SSR2: variants seen among roughly 807,000 people sequenced by gnomAD.
SSR2 encodes translocon-associated protein subunit beta.
In SSR2, 16 loss-of-function variants were observed where a neutral mutation model predicts 22.6. The ratio of observed to expected loss-of-function variants is 0.71; its 90% CI spans 0.48 to 1.08. The LOEUF (loss-of-function observed/expected upper bound fraction) is 1.08. Among genes scored for constraint, SSR2 ranks in the 50% least tolerant of loss-of-function variants. The pLI is 0.00. For missense variants in SSR2, 171 were observed against 221.6 expected (o/e 0.77, Z 1.45); for synonymous variants, 83 against 91.2 (o/e 0.91, Z 0.51).
intron 4 of SSR2, 127 bp downstream of exon 4, chr1:156,014,834 C>A: frequency 1.3e-6 from 1 of 774,258 alleles, no homozygotes; most frequent in Non-Finnish European, 2.2e-6. Flanking sequence ...AGCCACTGCG[C>A]CCAGTCCTAA....
chr1:156,014,748 G>A, intron 4 of SSR2: 1 of 405,830 alleles, frequency 2.5e-6, no homozygotes, highest in Non-Finnish European at 4.6e-6. Flanking sequence ...CTGCATGTTG[G>A]CCAGGCTGGT....
chr1:156,009,847 C>T (rs1682955307), intron 5 of SSR2, among the ~76,000 whole-genome samples, 197 bp from the exon 6 acceptor site: 1 of 152,128 alleles, frequency 6.6e-6, no homozygotes, highest in Non-Finnish European at 1.5e-5. Flanking sequence ...ATTCTCAGCT[C>T]ACTGCAACCT....
Position 156,009,659 on chromosome 1 carries a change from G to A in SSR2, c.442-9C>T. 1 of 1,588,198 alleles carries A rather than the reference G, an allele frequency of 6.3e-7. No homozygotes were observed. The highest frequency in any genetic ancestry group is 1.2e-5 in the South Asian group (1 of 86,202). ...AAGGCTGCCCAGTCCAGCTGTAAAGGAAAACAAAGACCTTGCTTAGAAGTC... is the reference window on the plus strand; with the variant it reads ...AAGGCTGCCCAGTCCAGCTGTAAAGAAAAACAAAGACCTTGCTTAGAAGTC... On this transcript the variant is annotated splice_polypyrimidine_tract_variant and intron_variant, in intron 5 of 5. Coordinates refer to ENST00000295702, the MANE Select transcript of SSR2 (RefSeq NM_003145.4).
intron 3 of SSR2, among the ~76,000 whole-genome samples, chr1:156,016,420 G>C (rs1683058480): frequency 6.6e-6 from 1 of 151,620 alleles, no homozygotes; most frequent in South Asian, 2.1e-4. Context: ...ATTTTTAGTA[G>C]AGACAGGGTT....
chr1:156,014,386 C>T (rs889618900), intron 4 of SSR2: 3 of 152,274 alleles, frequency 2.0e-5, no homozygotes, highest in African/African-American at 7.2e-5. Flanking sequence ...ACTGGGATTA[C>T]AGGCGTGAGC....
intron 2 of SSR2, among the ~76,000 whole-genome samples, chr1:156,019,451 T>C (rs1239587983): frequency 6.6e-6 from 1 of 152,038 alleles, no homozygotes; most frequent in Non-Finnish European, 1.5e-5. Context: ...TGGCGCAATC[T>C]CCGGCTCACT....
intron 1 of SSR2, chr1:156,020,573 T>G (rs1683134547): frequency 3.3e-6 from 1 of 304,844 alleles, no homozygotes; most frequent in Non-Finnish European, 6.5e-6. Flanking sequence ...CCCTCCTCCT[T>G]GGCCACAGCT....
chr1:156,015,139 A>G, intron 3 of SSR2, 70 bp from the exon 4 acceptor site: 2 of 1,144,450 alleles, frequency 1.7e-6, no homozygotes, highest in Non-Finnish European at 2.6e-6. Context: ...CTGTGGACTA[A>G]ATGCACCACT....
rs1356551752 is a variant in SSR2 at position 156,020,886 on chromosome 1, AC to A, written c.-1+1del. Reference sequence around the variant, plus strand: ...TCGGACGCCCTAAGCCTCCGGACTTACCGTTGGCATCCCAAACGCCTTTCCG... The same window carrying A: ...TCGGACGCCCTAAGCCTCCGGACTTACGTTGGCATCCCAAACGCCTTTCCG... On this transcript the variant is annotated splice_donor_variant, in intron 1 of 5. Transcript: ENST00000295702. LOFTEE classifies it low-confidence loss of function (5UTR_SPLICE). 3.2e-5 allele frequency: 15 copies of A among 471,148 alleles called. No homozygotes were observed. The East Asian group carries it at 9.7e-4, about 30-fold the overall frequency. The allele number at this position is 471,148 out of a possible 1,614,324, so 29.2% of individuals were successfully genotyped here. A position where few individuals can be genotyped will look rare whatever the true frequency, so the allele number is the denominator to read the frequency against.
intron 3 of SSR2, among the ~76,000 whole-genome samples, chr1:156,015,703 C>T (rs1683045567): frequency 6.7e-6 from 1 of 148,182 alleles, no homozygotes; most frequent in South Asian, 2.2e-4. Context: ...CCTGGGATTA[C>T]AGGCATGAGC....
rs574215881 is a variant in SSR2, at chr1:156,009,405, G to A, written c.*135C>T. 1 of 721,690 alleles carries A rather than the reference G, an allele frequency of 1.4e-6. No homozygotes were observed. The highest frequency in any genetic ancestry group is 1.6e-5 in the South Asian group (1 of 61,268). 44.7% of individuals were successfully genotyped at this position (721,690 alleles called of 1,614,324 possible). On this transcript the variant is annotated 3_prime_UTR_variant, in exon 6 of 6. Coordinates refer to ENST00000295702, the MANE Select transcript of SSR2 (RefSeq NM_003145.4). ...TTCACTATGGCTGAGAGCAGGGCAG[G>A]ATCCAGGAGAAAGTGGCCAAGGGCT...
At chr1:156,014,767 C>G in intron 4 of SSR2, 194 bp downstream of exon 4, 1 of 480,486 alleles carries the variant, frequency 2.1e-6, no homozygotes, top group Non-Finnish European at 3.9e-6. Flanking sequence ...GTCTTGAACT[C>G]CTGACCTTAG....
In SSR2 at chr1:156,015,505, C is replaced by CAAAA. The variant is rs1169214264; in HGVS notation, c.255-440_255-437dup. 6.2e-3 allele frequency among the ~76,000 whole-genome samples: 255 copies of CAAAA among 41,020 alleles called. 31 individuals are homozygous for CAAAA. Among genetic ancestry groups the CAAAA allele is most frequent in the Middle Eastern group, 0.031 (1 of 32 alleles). The allele number at this position is 41,020 out of a possible 152,430, so 26.9% of individuals were successfully genotyped here. A position where few individuals can be genotyped will look rare whatever the true frequency, so the allele number is the denominator to read the frequency against. ...TGGGTAACAGAGTGAGACTCCGCCTCAAAAAAAAAAAAAAAAAAAAAAAAA... is the reference window on the plus strand; with the variant it reads ...TGGGTAACAGAGTGAGACTCCGCCTCAAAAAAAAAAAAAAAAAAAAAAAAAAAAA... On this transcript the variant is annotated intron_variant, in intron 3 of 5. Coordinates refer to ENST00000295702, the MANE Select transcript of SSR2 (RefSeq NM_003145.4).
chr1:156,020,864 G>A, intron 1 of SSR2, 24 bp downstream of exon 1: 1 of 469,386 alleles, frequency 2.1e-6, no homozygotes, highest in Non-Finnish European at 4.4e-6. Context: ...CTCCCGTTCG[G>A]ACGCCCTAAG....
At chr1:156,019,373 A>C (rs1683111293) in intron 2 of SSR2, 1 of 257,104 alleles carries the variant, frequency 3.9e-6, no homozygotes, top group Admixed American at 4.3e-5. Flanking sequence ...GGCTAATGAA[A>C]GAAGGAAAAT....
chr1:156,017,476 A>C (rs1683074206), intron 3 of SSR2, among the ~76,000 whole-genome samples: 1 of 151,952 alleles, frequency 6.6e-6, no homozygotes, highest in Non-Finnish European at 1.5e-5. Flanking sequence ...CAGCCTCCCG[A>C]GTAGCTGGGA....
chr1:156,017,298 G>A (rs1279127771), intron 3 of SSR2, among the ~76,000 whole-genome samples: 1 of 152,174 alleles, frequency 6.6e-6, no homozygotes, highest in Non-Finnish European at 1.5e-5. Flanking sequence ...GAGACTCACT[G>A]AATAAGAGAC....
chr1:156,019,891 T>C (rs1199176127), intron 2 of SSR2, 122 bp downstream of exon 2: 22 of 1,085,342 alleles, frequency 2.0e-5, no homozygotes, highest in East Asian at 5.0e-5. Flanking sequence ...ATTCACTCAA[T>C]ATATCTGATG....
intron 3 of SSR2, 171 bp downstream of exon 3, chr1:156,018,099 A>G: frequency 1.8e-6 from 1 of 565,572 alleles, no homozygotes; most frequent in Admixed American, 2.9e-5. Flanking sequence ...CTTCATGTCT[A>G]CTCTAAATCA....
Sources: allele counts gnomAD v4.1 joint callset (sites outside exome capture counted in the v4.1 genomes callset), GRCh38; gene constraint gnomAD v4.1.1; transcripts MANE v1.5; gene names NCBI Gene and HGNC (gene_info 2026-07-23, HGNC 2026-07-21).